CHD1L: variants seen among roughly 807,000 people sequenced by gnomAD.
The protein encoded by CHD1L is ATP-dependent chromatin remodeler CHD1L.
In CHD1L, 118 loss-of-function variants were observed where a neutral mutation model predicts 115.9. The observed-to-expected ratio is 1.02, with a 90% confidence interval of 0.88 to 1.19. The LOEUF is 1.19. CHD1L is among the 50% of genes most tolerant of loss of function. CHD1L has a pLI of 0.00. For missense variants in CHD1L, 1,179 were observed against 1,065.3 expected, an observed-to-expected ratio of 1.11 and a Z score of -1.49; for synonymous variants, 411 against 387.1, an observed-to-expected ratio of 1.06 and a Z score of -0.72.
Position 147,293,629 on chromosome 1 carries a change from C to T in CHD1L, c.2413C>T (p.His805Tyr). The T allele has an allele frequency of 6.2e-7, 1 of 1,614,002 alleles. No homozygotes were observed. Among genetic ancestry groups the T allele is most frequent in the Non-Finnish European group, 8.5e-7 (1 of 1,179,978 alleles). ...QDLLALIVAQ[H>Y]RDRSNVLSGI... ...CCAGTTGGCCTTGATTGTGGCTCAG[C>T]ATCGTGATCGTTCCAATGTCCTGTC... The change falls in exon 21 of 23, where the codon CAT becomes TAT. Residue 805 changes from histidine to tyrosine, a missense_variant. By Grantham distance (83) the His-to-Tyr change is moderately conservative. Coordinates refer to ENST00000369258, the MANE Select transcript of CHD1L (RefSeq NM_004284.6).
chr1:147,278,658 A>T (rs1048124320), intron 14 of CHD1L, among the ~76,000 whole-genome samples: 1 of 152,126 alleles, frequency 6.6e-6, no homozygotes, highest in Non-Finnish European at 1.5e-5. Flanking sequence ...GGGAGGACAC[A>T]GTAGAAACAG....
the CHD1L span, among the ~76,000 whole-genome samples, chr1:147,227,563 C>T: frequency 6.6e-6 from 1 of 152,118 alleles, no homozygotes; most frequent in East Asian, 1.9e-4. Context: ...TCTCTCTTGC[C>T]TAGCTGACAA....
At chr1:147,283,644 G>A (rs1681838010) in intron 15 of CHD1L, among the ~76,000 whole-genome samples, 1 of 152,162 alleles carries the variant, frequency 6.6e-6, no homozygotes, top group Non-Finnish European at 1.5e-5. Context: ...TATTCAAGAT[G>A]ACACTATTGT....
chr1:147,292,506 A>G (rs587625019), intron 20 of CHD1L, among the ~76,000 whole-genome samples: 7 of 152,342 alleles, frequency 4.6e-5, no homozygotes, highest in African/African-American at 1.7e-4. Flanking sequence ...GTTGCTGTCT[A>G]TGTGACTGTG....
intron 16 of CHD1L, 78 bp downstream of exon 16, chr1:147,284,577 C>T (rs998830007): frequency 5.8e-5 from 74 of 1,275,646 alleles, no homozygotes; most frequent in Non-Finnish European, 7.3e-5. Flanking sequence ...ATGCTGGCAT[C>T]GTTTTGTTCT....
chr1:147,213,413 C>T, the CHD1L span: 1 of 1,613,662 alleles, frequency 6.2e-7, no homozygotes, highest in Non-Finnish European at 8.5e-7. Flanking sequence ...TCAGTGACCA[C>T]TTCCCATTGG....
the CHD1L span, chr1:147,186,596 T>A: frequency 9.3e-7 from 1 of 1,074,810 alleles, no homozygotes; most frequent in Non-Finnish European, 1.1e-6. Flanking sequence ...AAACATTTAT[T>A]AAGCACCTAC....
At chr1:147,294,548 TCCCAA>T (rs781886765) in intron 22 of CHD1L, 31 bp downstream of exon 22, 1 of 1,542,578 alleles carries the variant, frequency 6.5e-7, no homozygotes, top group Non-Finnish European at 8.9e-7. Context: ...TTGTGTGTTC[TCCCAA>T]CCCAAGAGGG....
chr1:147,291,436 A>G, intron 19 of CHD1L, 46 bp from the exon 20 acceptor site: 1 of 1,465,680 alleles, frequency 6.8e-7, no homozygotes, highest in Non-Finnish European at 9.6e-7. Flanking sequence ...TTCATTCATT[A>G]GTGAACTTGG....
intron 14 of CHD1L, among the ~76,000 whole-genome samples, chr1:147,277,100 TGAG>T (rs1678787858): frequency 6.6e-6 from 1 of 152,106 alleles, no homozygotes; most frequent in South Asian, 2.1e-4. Context: ...GCCCCTATGA[TGAG>T]GAGAGAAGAA....
At chr1:147,210,755 A>G in the CHD1L span, 1 of 152,186 alleles carries the variant, frequency 6.6e-6, no homozygotes, top group Non-Finnish European at 1.5e-5. Flanking sequence ...TATAGTAAAC[A>G]CTTGATAAGT....
Position 147,252,629 on chromosome 1 carries a change from AC to A in CHD1L, c.136del (p.Leu46TyrfsTer9), listed in dbSNP as rs782555590. 5.0e-6 allele frequency: 8 copies of A among 1,613,308 alleles called. No individual in the cohort carries two copies. The highest frequency in any genetic ancestry group is 6.8e-6 in the Non-Finnish European group (8 of 1,179,684). On this transcript the variant is annotated frameshift_variant, in exon 2 of 23. Coordinates refer to ENST00000369258, the MANE Select transcript of CHD1L (RefSeq NM_004284.6). LOFTEE classifies it high-confidence loss of function. Reference protein sequence around the residue: ...DLRQWGLTGIHLRSYQLEGVN... With the variant: ...DLRQWGLTGIXLRSYQLEGVN... ...CTGTATTTTTTGTTTCTAGGGATTC[AC>A]CTACGCTCTTACCAGCTGGAGGGAG... is the stretch of plus-strand genomic sequence containing the variant.
chr1:147,246,776 A>C (rs12568866), intron 1 of CHD1L, among the ~76,000 whole-genome samples: 16,624 of 152,112 alleles, frequency 0.11, 1,003 homozygotes, highest in East Asian at 0.16. Flanking sequence ...TCTTTATATA[A>C]TCTAGATACT....
rs1553947957 is a variant in CHD1L at position 147,265,976 on chromosome 1, G to A, written c.784G>A (p.Val262Met). ...CTTGCAGCCATTTCTGCTGAGGCGA[G>A]TGAAAGCTGAGGTAGCTACAGAGCT... is the stretch of plus-strand genomic sequence containing the variant. ...KLLQPFLLRR[V>M]KAEVATELPK... The change falls in exon 8 of 23, where the codon GTG becomes ATG. Residue 262 changes from valine (V) to methionine (M), a missense_variant. Val to Met is a conservative substitution (Grantham distance 21). Transcript: ENST00000369258. 1.7e-5 allele frequency: 28 copies of A among 1,613,698 alleles called. No individual in the cohort carries two copies. Among genetic ancestry groups the A allele is most frequent in the African/African-American group, 2.7e-5 (2 of 74,876 alleles).
In CHD1L at chr1:147,277,543, GGTTT is replaced by G. The variant is rs782808120; in HGVS notation, c.1539+1290_1539+1293del. Among the ~76,000 whole-genome samples, 10 of 152,040 alleles carry G rather than the reference GGTTT, an allele frequency of 6.6e-5. No individual in the cohort carries two copies. In the East Asian group the frequency reaches 1.2e-3, roughly 18 times the overall value. ...ACTAGAACTAGAAAGAGTAACACTGGGTTTGTTCTTTGTTTATCTTAGGGGGTAG... is the reference window on the plus strand; with the variant it reads ...ACTAGAACTAGAAAGAGTAACACTGGGTTCTTTGTTTATCTTAGGGGGTAG... On this transcript the variant is annotated intron_variant, in intron 14 of 22. Coordinates refer to ENST00000369258, the MANE Select transcript of CHD1L (RefSeq NM_004284.6).
At chr1:147,270,039 A>G (rs1183980034) in intron 10 of CHD1L, among the ~76,000 whole-genome samples, 1 of 152,188 alleles carries the variant, frequency 6.6e-6, no homozygotes, top group African/African-American at 2.4e-5. Context: ...TGACTTGCCC[A>G]AGGTCACACA....
the CHD1L span, chr1:147,204,590 C>T: frequency 5.7e-6 from 9 of 1,592,088 alleles, no homozygotes; most frequent in Non-Finnish European, 7.7e-6. Flanking sequence ...AGTTCTTCAG[C>T]TAATTCCAGG....
the CHD1L span, among the ~76,000 whole-genome samples, chr1:147,218,809 T>C: frequency 1.3e-5 from 2 of 152,210 alleles, no homozygotes; most frequent in Non-Finnish European, 2.9e-5. Context: ...TAAATATTAC[T>C]ATTTCTTCAT....
chr1:147,182,122 CCTT>C, the CHD1L span, among the ~76,000 whole-genome samples: 1 of 152,182 alleles, frequency 6.6e-6, no homozygotes, highest in Non-Finnish European at 1.5e-5. Flanking sequence ...ATTCTCTCTT[CCTT>C]CTTAATAACA....
Sources: gnomAD v4.1 joint callset for allele counts (sites outside exome capture counted in the v4.1 genomes callset) on GRCh38, gnomAD v4.1.1 for gene constraint, MANE v1.5 for transcripts, NCBI Gene and HGNC (gene_info 2026-07-23, HGNC 2026-07-21) for gene names.